PREP: variants seen among roughly 807,000 people sequenced by gnomAD.
The protein encoded by PREP is prolyl endopeptidase.
A neutral mutation model predicts 87.6 loss-of-function variants in PREP; 29 were observed. That is an observed-to-expected ratio of 0.33 (90% CI 0.25 to 0.45). The LOEUF (loss-of-function observed/expected upper bound fraction) is 0.45, where lower values mean the gene tolerates loss of function less well. PREP is among the 20% of genes least tolerant of loss of function. The pLI, the probability that PREP is intolerant of heterozygous loss-of-function variation, is 1.00. For missense variants in PREP, 695 were observed against 886.5 expected (o/e 0.78, Z 2.74); for synonymous variants, 337 against 328.6 (o/e 1.03, Z -0.28).
chr6:105,367,473 A>C (rs1772414655), intron 6 of PREP, among the ~76,000 whole-genome samples: 1 of 152,156 alleles, frequency 6.6e-6, no homozygotes, highest in South Asian at 2.1e-4. Context: ...GGAGATCGAG[A>C]CCATCCCGGC....
At chr6:105,342,036 A>G (rs1410181177) in intron 7 of PREP, among the ~76,000 whole-genome samples, 1 of 152,240 alleles carries the variant, frequency 6.6e-6, no homozygotes, top group Non-Finnish European at 1.5e-5. Flanking sequence ...TCATTTTACG[A>G]GGCCAGCATC....
At chr6:105,323,534 A>C in intron 10 of PREP, 131 bp downstream of exon 10, 1 of 818,866 alleles carries the variant, frequency 1.2e-6, no homozygotes, top group Non-Finnish European at 2.0e-6. Context: ...AATGACCGTC[A>C]ACCGTGGGGG....
intron 2 of PREP, among the ~76,000 whole-genome samples, chr6:105,386,513 C>T (rs917176284): frequency 1.3e-5 from 2 of 151,974 alleles, no homozygotes. Flanking sequence ...CTGGAAGAGT[C>T]CCAGAAATTT....
chr6:105,305,617 T>C (rs548292941), intron 10 of PREP, among the ~76,000 whole-genome samples: 1 of 152,114 alleles, frequency 6.6e-6, no homozygotes, highest in Admixed American at 6.5e-5. Context: ...AAGAACAAAT[T>C]CTTTTTGATT....
rs561442769 is a variant in PREP, at chr6:105,372,962, G to T, written c.595+407C>A. The stretch of plus-strand genomic sequence containing the variant: ...AGGAGCAAGCCTAGGCATTAAGAAG[G>T]CTGTGTCATTCAGCTCCCCGTCTTG... On this transcript the variant is annotated intron_variant, in intron 5 of 14. Transcript: ENST00000652536. Among the ~76,000 whole-genome samples, 5 of 152,290 alleles carry T rather than the reference G, an allele frequency of 3.3e-5. No homozygotes were observed. In the East Asian group the frequency reaches 9.7e-4, roughly 29 times the overall value.
intron 7 of PREP, among the ~76,000 whole-genome samples, chr6:105,342,576 A>G (rs1203802199): frequency 6.6e-6 from 1 of 152,218 alleles, no homozygotes; most frequent in African/African-American, 2.4e-5. Flanking sequence ...TCAATTAGGA[A>G]AAGAGAAAGT....
chr6:105,351,965 G>A (rs1366492265), intron 7 of PREP, among the ~76,000 whole-genome samples: 1 of 152,204 alleles, frequency 6.6e-6, no homozygotes, highest in Non-Finnish European at 1.5e-5. Flanking sequence ...ATGGTGCTCT[G>A]TAGTATCTAA....
intron 10 of PREP, among the ~76,000 whole-genome samples, chr6:105,293,892 G>A (rs961661722): frequency 3.3e-5 from 5 of 152,118 alleles, no homozygotes; most frequent in South Asian, 2.1e-4. Flanking sequence ...TTTCCATCAC[G>A]TACTTTCTAC....
In PREP at chr6:105,359,500, A is replaced by C. The variant is rs146723248; in HGVS notation, c.718-6423T>G. Among the ~76,000 whole-genome samples the C allele has an allele frequency of 4.8e-3, 735 of 152,324 alleles. 5 individuals carry two copies. The highest frequency in any genetic ancestry group is 0.022 in the South Asian group (107 of 4,826). Reference sequence around the variant, plus strand: ...CACTGGTTTATGTTATCTGGTACAGAGAGCTATGTTTAACATATATTCAAG... The same window carrying C: ...CACTGGTTTATGTTATCTGGTACAGCGAGCTATGTTTAACATATATTCAAG... On this transcript the variant is annotated intron_variant, in intron 6 of 14. Coordinates refer to ENST00000652536, the MANE Select transcript of PREP (RefSeq NM_002726.5).
intron 11 of PREP, among the ~76,000 whole-genome samples, chr6:105,285,924 C>T (rs147688934): frequency 0.015 from 2,351 of 152,172 alleles, 57 homozygotes; most frequent in African/African-American, 0.054. Context: ...TACAGGTGTG[C>T]GCCACCATGC....
At chr6:105,293,627 A>C (rs1378351537) in intron 10 of PREP, among the ~76,000 whole-genome samples, 1 of 151,164 alleles carries the variant, frequency 6.6e-6, no homozygotes, top group Non-Finnish European at 1.5e-5. Context: ...AAATGCAATT[A>C]TTTGTGAAGC....
intron 2 of PREP, among the ~76,000 whole-genome samples, chr6:105,396,477 G>A (rs771205279): frequency 2.6e-5 from 4 of 152,148 alleles, no homozygotes; most frequent in Non-Finnish European, 5.9e-5. Context: ...ATACCATCAT[G>A]CTCTGGCTAA....
chr6:105,319,752 C>T (rs1050413308), intron 10 of PREP, among the ~76,000 whole-genome samples: 2 of 152,202 alleles, frequency 1.3e-5, no homozygotes, highest in African/African-American at 4.8e-5. Flanking sequence ...TCCATCCCTC[C>T]TGTGAAGGCT....
intron 7 of PREP, among the ~76,000 whole-genome samples, chr6:105,335,273 T>C (rs145728862): frequency 1.0e-3 from 155 of 152,358 alleles, no homozygotes; most frequent in Non-Finnish European, 1.8e-3. Context: ...TAAAAGGCAA[T>C]GACTGATCTT....
At chr6:105,281,603 T>C (rs1770081796) in intron 14 of PREP, 143 bp downstream of exon 14, 4 of 976,672 alleles carry the variant, frequency 4.1e-6, no homozygotes, top group South Asian at 2.0e-5. Flanking sequence ...GAAAGACAAG[T>C]AGGTAGTCCC....
At chr6:105,388,449 A>G (rs1773056727) in intron 2 of PREP, among the ~76,000 whole-genome samples, 1 of 150,878 alleles carries the variant, frequency 6.6e-6, no homozygotes, top group African/African-American at 2.4e-5. Flanking sequence ...GCTTGCATCA[A>G]AAACCGTATT....
At chr6:105,280,838 G>A (rs1169902301) in intron 14 of PREP, 1 of 152,192 alleles carries the variant, frequency 6.6e-6, no homozygotes, top group African/African-American at 2.4e-5. Context: ...CAAAGTGCTG[G>A]GATCACAGGT....
chr6:105,279,504 C>T (rs911799461), intron 14 of PREP, among the ~76,000 whole-genome samples: 1 of 152,216 alleles, frequency 6.6e-6, no homozygotes, highest in Non-Finnish European at 1.5e-5. Context: ...AATATTTATA[C>T]ATTATCTGTA....
chr6:105,297,904 C>T lies in PREP; in HGVS notation c.1318-9010G>A, dbSNP rs75173544. Reference sequence around the variant, plus strand: ...CAGATAAGATTGTCTTTGGAAGCATCGGTAAGATCTCATAAGCGGGACTAT... The same window carrying T: ...CAGATAAGATTGTCTTTGGAAGCATTGGTAAGATCTCATAAGCGGGACTAT... On this transcript the variant is annotated intron_variant, in intron 10 of 14. Transcript: ENST00000652536. 6.1e-4 allele frequency among the ~76,000 whole-genome samples: 93 copies of T among 152,268 alleles called. 2 individuals carry two copies. Among genetic ancestry groups the T allele is most frequent in the Admixed American group, 7.8e-4 (12 of 15,298 alleles).
Sources: allele counts gnomAD v4.1 joint callset (sites outside exome capture counted in the v4.1 genomes callset), GRCh38; gene constraint gnomAD v4.1.1; transcripts MANE v1.5; gene names NCBI Gene and HGNC (gene_info 2026-07-23, HGNC 2026-07-21).